Variants in FYN observed in about 807,000 individuals in gnomAD.
FYN encodes tyrosine-protein kinase Fyn.
In FYN, 10 loss-of-function variants were observed where a neutral mutation model predicts 70.2. That is an observed-to-expected ratio of 0.14 (90% confidence interval 0.09 to 0.24). FYN has a LOEUF of 0.24. Ranked by LOEUF, FYN falls within the 10% of genes least tolerant of loss-of-function variation. The probability of loss-of-function intolerance (pLI) is 1.00; values close to 1 mark genes in which losing one functional copy is unlikely to be tolerated. For missense variants in FYN, 319 were observed against 673.1 expected, an observed-to-expected ratio of 0.47 and a Z score of 5.82; for synonymous variants, 236 against 248.6, an observed-to-expected ratio of 0.95 and a Z score of 0.48.
At chr6:111,810,647 TTACAAA>T (rs1045885465) in intron 2 of FYN, among the ~76,000 whole-genome samples, 2 of 152,202 alleles carry the variant, frequency 1.3e-5, no homozygotes, top group Non-Finnish European at 1.5e-5. Context: ...TTTTTTCTTC[TTACAAA>T]TACGAGTGTG....
At chr6:111,828,434 G>T (rs747599723) in intron 2 of FYN, among the ~76,000 whole-genome samples, 9 of 151,980 alleles carry the variant, frequency 5.9e-5, no homozygotes, top group Non-Finnish European at 2.9e-5. Context: ...TGAAAACGGG[G>T]TCTCCAAAAG....
rs146504014 is a variant in FYN, at chr6:111,698,019, T to G, written c.863-1563A>C. Among the ~76,000 whole-genome samples, 180 of 152,168 alleles carry G rather than the reference T, an allele frequency of 1.2e-3. 1 individual carries two copies. The highest frequency in any genetic ancestry group is 4.2e-3 in the African/African-American group (174 of 41,410). ...ACTAGCTAACTCATACATATATATG[T>G]GTATGTCTGTCTACTACCTATTTAT... On this transcript the variant is annotated intron_variant, in intron 9 of 13. Coordinates refer to ENST00000354650, the MANE Select transcript of FYN (RefSeq NM_002037.5).
intron 3 of FYN, among the ~76,000 whole-genome samples, chr6:111,755,165 G>C (rs953452319): frequency 3.9e-5 from 6 of 152,042 alleles, no homozygotes; most frequent in African/African-American, 1.4e-4. Flanking sequence ...GAAAATCATA[G>C]CTATATGATT....
chr6:111,760,335 C>G (rs1357868592), intron 3 of FYN, among the ~76,000 whole-genome samples: 1 of 152,096 alleles, frequency 6.6e-6, no homozygotes, highest in African/African-American at 2.4e-5. Context: ...CACTCCTGCT[C>G]GCTTCCATCT....
At chr6:111,736,356 G>C (rs1801710084) in intron 3 of FYN, among the ~76,000 whole-genome samples, 1 of 152,160 alleles carries the variant, frequency 6.6e-6, no homozygotes. Context: ...AGCAATGACA[G>C]CTCTACTCAC....
chr6:111,873,318 C>G lies in FYN; in HGVS notation c.-473G>C, dbSNP rs1164347150. 1.3e-5 allele frequency: 2 copies of G among 150,050 alleles called. No homozygotes were observed. The highest frequency in any genetic ancestry group is 3.0e-5 in the Non-Finnish European group (2 of 66,792). 9.3% of individuals were successfully genotyped at this position (150,050 alleles called of 1,614,324 possible). On this transcript the variant is annotated 5_prime_UTR_variant, in exon 1 of 14. Coordinates refer to ENST00000354650, the MANE Select transcript of FYN (RefSeq NM_002037.5). ...GCGGCGGGCGGGTCTCGAAGGCCTT[C>G]GGCTCGCGGCGACCCCTCCTCCTCG...
intron 3 of FYN, among the ~76,000 whole-genome samples, chr6:111,755,779 A>C (rs9384804): frequency 0.12 from 18,483 of 152,194 alleles, 1,893 homozygotes; most frequent in African/African-American, 0.28. Flanking sequence ...AAAACTCATG[A>C]ATCAAAGAAG....
intron 2 of FYN, chr6:111,844,861 T>C (rs1232795525): frequency 1.3e-5 from 2 of 152,202 alleles, no homozygotes; most frequent in Non-Finnish European, 2.9e-5. Flanking sequence ...AAAAACAAAA[T>C]GTATTTGGTT....
chr6:111,703,578 AG>A (rs2128446210), intron 7 of FYN, among the ~76,000 whole-genome samples: 1 of 152,344 alleles, frequency 6.6e-6, no homozygotes, highest in Non-Finnish European at 1.5e-5. Context: ...GTGGGTTGTA[AG>A]GAGTTGTTAA....
chr6:111,870,874 T>C (rs1774251311), intron 1 of FYN, among the ~76,000 whole-genome samples: 1 of 152,328 alleles, frequency 6.6e-6, no homozygotes, highest in Non-Finnish European at 1.5e-5. Context: ...TGTGAGTTTA[T>C]GTGCTCTGGC....
At chr6:111,861,852 T>C (rs1046975573) in intron 1 of FYN, among the ~76,000 whole-genome samples, 2 of 152,220 alleles carry the variant, frequency 1.3e-5, no homozygotes, top group Non-Finnish European at 2.9e-5. Context: ...TTGAAGGATA[T>C]ACAAACAAAG....
intron 1 of FYN, among the ~76,000 whole-genome samples, chr6:111,852,136 G>A (rs556077632): frequency 6.6e-6 from 1 of 152,222 alleles, no homozygotes; most frequent in East Asian, 1.9e-4. Context: ...ATTTATTTAA[G>A]AGCACAGAGG....
chr6:111,836,516 G>A (rs1773192990), intron 2 of FYN, among the ~76,000 whole-genome samples: 1 of 152,204 alleles, frequency 6.6e-6, no homozygotes, highest in Admixed American at 6.5e-5. Context: ...TGTAATCTCA[G>A]ATCTTTCGAA....
chr6:111,740,335 A>C (rs1801904788), intron 3 of FYN, among the ~76,000 whole-genome samples: 1 of 152,184 alleles, frequency 6.6e-6, no homozygotes, highest in African/African-American at 2.4e-5. Flanking sequence ...AATTGGATAC[A>C]ATCTAGGCAC....
At chr6:111,810,021 C>G (rs753610701) in intron 2 of FYN, among the ~76,000 whole-genome samples, 6 of 152,174 alleles carry the variant, frequency 3.9e-5, no homozygotes, top group Non-Finnish European at 7.3e-5. Context: ...TTATAAAAAG[C>G]AATCCTTTCA....
At chr6:111,664,516 T>C (rs933080153) in intron 13 of FYN, among the ~76,000 whole-genome samples, 4 of 152,208 alleles carry the variant, frequency 2.6e-5, no homozygotes, top group African/African-American at 9.7e-5. Flanking sequence ...ATGGAAAGTT[T>C]AATTGGCCAC....
chr6:111,821,166 G>A (rs912614160), intron 2 of FYN, among the ~76,000 whole-genome samples: 26 of 151,952 alleles, frequency 1.7e-4, no homozygotes, highest in Non-Finnish European at 2.6e-4. Flanking sequence ...AAAAGAGCCC[G>A]CATTGCCAAG....
At chr6:111,679,477 T>G (rs539655988) in intron 12 of FYN, among the ~76,000 whole-genome samples, 1 of 152,340 alleles carries the variant, frequency 6.6e-6, no homozygotes, top group Non-Finnish European at 1.5e-5. Context: ...ACATCTCCAG[T>G]ACTGAGTACA....
At chr6:111,765,794 C>G (rs1320484034) in intron 3 of FYN, among the ~76,000 whole-genome samples, 1 of 151,564 alleles carries the variant, frequency 6.6e-6, no homozygotes, top group Non-Finnish European at 1.5e-5. Context: ...AAAAAAAGAT[C>G]CTTGCAGCAG....
Sources: gnomAD v4.1 joint callset for allele counts (sites outside exome capture counted in the v4.1 genomes callset) on GRCh38, gnomAD v4.1.1 for gene constraint, MANE v1.5 for transcripts, NCBI Gene and HGNC (gene_info 2026-07-23, HGNC 2026-07-21) for gene names.